LHFPL3: variants seen among roughly 807,000 people sequenced by gnomAD.
LHFPL3 encodes LHFPL tetraspan subfamily member 3.
A neutral mutation model predicts 19.3 loss-of-function variants in LHFPL3; 5 were observed. That is an observed-to-expected ratio of 0.26 (90% CI 0.14 to 0.54). The LOEUF (loss-of-function observed/expected upper bound fraction) is 0.54, where lower values mean the gene tolerates loss of function less well. Among genes scored for constraint, LHFPL3 ranks in the 20% least tolerant of loss-of-function variants. The probability of loss-of-function intolerance (pLI) is 0.94; values close to 1 mark genes in which losing one functional copy is unlikely to be tolerated. For synonymous variants in LHFPL3, 133 were observed against 126.2 expected, an observed-to-expected ratio of 1.05 and a Z score of -0.36; for missense variants, 249 against 307.4, an observed-to-expected ratio of 0.81 and a Z score of 1.42.
At chr7:104,571,535 C>T (rs187455675) in intron 1 of LHFPL3, among the ~76,000 whole-genome samples, 1 of 152,124 alleles carries the variant, frequency 6.6e-6, no homozygotes, top group Non-Finnish European at 1.5e-5. Context: ...GACTTACAAG[C>T]CTTTTCTGGA....
chr7:104,806,476 C>G (rs1790363959), intron 2 of LHFPL3, among the ~76,000 whole-genome samples: 1 of 152,128 alleles, frequency 6.6e-6, no homozygotes, highest in Non-Finnish European at 1.5e-5. Context: ...GTTTTAGATT[C>G]TGGGAAACAG....
At chr7:104,417,904 A>C (rs1243982309) in intron 1 of LHFPL3, among the ~76,000 whole-genome samples, 1 of 86,254 alleles carries the variant, frequency 1.2e-5, no homozygotes, top group Non-Finnish European at 2.1e-5. Context: ...TTTTTTTGAG[A>C]TGGGGTCTTG....
At chr7:104,769,593 T>C (rs1794515231) in intron 2 of LHFPL3, among the ~76,000 whole-genome samples, 1 of 151,416 alleles carries the variant, frequency 6.6e-6, no homozygotes, top group African/African-American at 2.4e-5. Flanking sequence ...TTTCTGCTAA[T>C]GCTGTCCCTC....
intron 2 of LHFPL3, among the ~76,000 whole-genome samples, chr7:104,807,011 A>ATGTGTG (rs10665231): frequency 0.098 from 13,676 of 139,568 alleles, 886 homozygotes; most frequent in Non-Finnish European, 0.13. Context: ...CAAAATATAT[A>ATGTGTG]TGTGTGTGTG....
intron 1 of LHFPL3, among the ~76,000 whole-genome samples, chr7:104,503,975 T>A (rs1046921531): frequency 6.6e-6 from 1 of 152,188 alleles, no homozygotes. Flanking sequence ...TTTATTTGGT[T>A]GATATGGAAA....
At chr7:104,709,166 A>G (rs1046877791) in intron 1 of LHFPL3, among the ~76,000 whole-genome samples, 4 of 150,282 alleles carry the variant, frequency 2.7e-5, no homozygotes, top group African/African-American at 9.8e-5. Context: ...TAGGGATGTC[A>G]TTTTTTTTTA....
intron 1 of LHFPL3, among the ~76,000 whole-genome samples, chr7:104,591,148 C>T: frequency 6.6e-6 from 1 of 152,158 alleles, no homozygotes; most frequent in African/African-American, 2.4e-5. Context: ...GAATTTGATC[C>T]TGTCATTGTG....
At chr7:104,360,006 G>A (rs1417291679) in intron 1 of LHFPL3, among the ~76,000 whole-genome samples, 1 of 152,232 alleles carries the variant, frequency 6.6e-6, no homozygotes, top group Admixed American at 6.5e-5. Context: ...CACACAAATA[G>A]TAAGTGAGAT....
intron 1 of LHFPL3, among the ~76,000 whole-genome samples, chr7:104,608,452 C>T (rs1407408802): frequency 4.5e-5 from 6 of 134,416 alleles, no homozygotes; most frequent in African/African-American, 1.7e-4. Flanking sequence ...ACAACGAGAA[C>T]ACATGGACAC....
intron 2 of LHFPL3, chr7:104,894,819 A>G (rs1792321170): frequency 6.6e-6 from 1 of 152,240 alleles, no homozygotes; most frequent in Non-Finnish European, 1.5e-5. Flanking sequence ...CACTTTACAG[A>G]CAAGAAAAGC....
intron 1 of LHFPL3, among the ~76,000 whole-genome samples, chr7:104,474,499 C>A (rs1358817518): frequency 6.6e-6 from 1 of 151,848 alleles, no homozygotes. Flanking sequence ...CCTGTCTCTA[C>A]TAAAAATACA....
At chr7:104,484,047 A>C (rs1420110932) in intron 1 of LHFPL3, among the ~76,000 whole-genome samples, 1 of 152,180 alleles carries the variant, frequency 6.6e-6, no homozygotes. Flanking sequence ...TTTTCAAGCC[A>C]ATTATAATAT....
intron 2 of LHFPL3, among the ~76,000 whole-genome samples, chr7:104,747,921 G>T (rs1168691369): frequency 6.6e-6 from 1 of 152,114 alleles, no homozygotes; most frequent in African/African-American, 2.4e-5. Context: ...TATTTTTAGA[G>T]TGTGGGGAAA....
intron 1 of LHFPL3, among the ~76,000 whole-genome samples, chr7:104,449,722 G>A (rs1288054500): frequency 6.6e-6 from 1 of 152,166 alleles, no homozygotes; most frequent in Non-Finnish European, 1.5e-5. Flanking sequence ...TCAAAGCACA[G>A]AACAGTTTGA....
intron 2 of LHFPL3, among the ~76,000 whole-genome samples, chr7:104,875,330 C>A (rs1791917264): frequency 6.6e-6 from 1 of 152,144 alleles, no homozygotes; most frequent in Non-Finnish European, 1.5e-5. Flanking sequence ...CTCCCTGCAC[C>A]CACCTCCAAA....
At chr7:104,724,863 G>A (rs954561171) in intron 1 of LHFPL3, among the ~76,000 whole-genome samples, 2 of 152,138 alleles carry the variant, frequency 1.3e-5, no homozygotes, top group Non-Finnish European at 2.9e-5. Flanking sequence ...AAGGAGACCC[G>A]AAATATCCTT....
At chr7:104,549,694 C>T (rs569115316) in intron 1 of LHFPL3, among the ~76,000 whole-genome samples, 31 of 152,212 alleles carry the variant, frequency 2.0e-4, no homozygotes, top group African/African-American at 6.5e-4. Context: ...TGGTGAGGAA[C>T]GTTTTGCTTA....
At chr7:104,782,012 C>T (rs1022984464) in intron 2 of LHFPL3, among the ~76,000 whole-genome samples, 3 of 152,260 alleles carry the variant, frequency 2.0e-5, no homozygotes, top group Admixed American at 6.5e-5. Context: ...AAACAGCAAC[C>T]GTTCTATCAC....
intron 1 of LHFPL3, among the ~76,000 whole-genome samples, chr7:104,460,950 G>A (rs1198079668): frequency 6.6e-6 from 1 of 152,150 alleles, no homozygotes; most frequent in Non-Finnish European, 1.5e-5. Flanking sequence ...TTGACTTCCA[G>A]GGTTTTTATA....
Sources: gnomAD v4.1 joint callset for allele counts (sites outside exome capture counted in the v4.1 genomes callset) on GRCh38, gnomAD v4.1.1 for gene constraint, MANE v1.5 for transcripts, NCBI Gene and HGNC (gene_info 2026-07-23, HGNC 2026-07-21) for gene names.